Variants in CLIC2 observed in about 807,000 individuals in gnomAD.
The protein encoded by CLIC2 is chloride intracellular channel protein 2.
In CLIC2, 9 loss-of-function variants were observed where a neutral mutation model predicts 14.8. That is an observed-to-expected ratio of 0.61 (90% CI 0.37 to 1.06). The LOEUF is 1.06. Ranked by LOEUF, CLIC2 falls within the 50% of genes least tolerant of loss-of-function variation. CLIC2 has a pLI of 0.01. For synonymous variants in CLIC2, 61 were observed against 66.3 expected (o/e 0.92, Z 0.39); for missense variants, 148 against 181.4 (o/e 0.82, Z 1.06).
At chrX:155,324,727 A>G (rs1397797139) in intron 1 of CLIC2, among the ~76,000 whole-genome samples, 2 of 111,827 alleles carry the variant, frequency 1.8e-5, no homozygotes. Flanking sequence ...GACTAAAACA[A>G]CAAAAGCAAT....
intron 3 of CLIC2, chrX:155,292,518 C>G: frequency 1.8e-6 from 1 of 547,482 alleles, no homozygotes; most frequent in South Asian, 2.5e-5. Flanking sequence ...TGCCTGTAAT[C>G]CCAGCACTTT....
intron 3 of CLIC2, among the ~76,000 whole-genome samples, chrX:155,286,872 T>C (rs782151733): frequency 8.9e-6 from 1 of 112,636 alleles, no homozygotes; most frequent in African/African-American, 3.2e-5. Flanking sequence ...TATTAGACCT[T>C]TGTTAGATGC....
intron 1 of CLIC2, among the ~76,000 whole-genome samples, chrX:155,308,777 G>A (rs2124194705): frequency 8.9e-6 from 1 of 111,790 alleles, no homozygotes; most frequent in African/African-American, 3.2e-5. Flanking sequence ...GGTGTTGAAA[G>A]AAAAACACTT....
intron 3 of CLIC2, chrX:155,290,482 T>C: frequency 5.6e-6 from 3 of 531,296 alleles, no homozygotes; most frequent in Non-Finnish European, 1.0e-5. Context: ...ATCCTCATTG[T>C]CTATCTCAAT....
intron 1 of CLIC2, among the ~76,000 whole-genome samples, chrX:155,306,850 C>A (rs1355376343): frequency 9.0e-6 from 1 of 111,325 alleles, no homozygotes; most frequent in East Asian, 2.8e-4. Context: ...CCCTCATGAT[C>A]CAAACACTTT....
At chrX:155,316,197 G>A (rs2124204319) in intron 1 of CLIC2, among the ~76,000 whole-genome samples, 1 of 111,436 alleles carries the variant, frequency 9.0e-6, no homozygotes, top group Non-Finnish European at 1.9e-5. Context: ...GACAGCACTA[G>A]ACAGGTCATC....
intron 1 of CLIC2, among the ~76,000 whole-genome samples, chrX:155,305,123 G>A (rs1211327454): frequency 1.8e-5 from 2 of 112,139 alleles, no homozygotes; most frequent in African/African-American, 3.2e-5. Context: ...TCGAGCTTCT[G>A]GGCTGCTTTG....
chrX:155,309,740 C>G (rs1473114725), intron 1 of CLIC2: 1 of 115,986 alleles, frequency 8.6e-6, no homozygotes, highest in Non-Finnish European at 1.8e-5. Flanking sequence ...GAAACTGTCC[C>G]CATGATTCAA....
chrX:155,277,638 G>A lies in CLIC2; in HGVS notation c.*265C>T. 1 of 312,778 alleles carries A rather than the reference G, an allele frequency of 3.2e-6. No homozygotes were observed. 25.8% of individuals were successfully genotyped at this position (312,778 alleles called of 1,213,427 possible). A position where few individuals can be genotyped will look rare whatever the true frequency, so the allele number is the denominator to read the frequency against. On this transcript the variant is annotated 3_prime_UTR_variant, in exon 6 of 6. Coordinates refer to ENST00000369449, the MANE Select transcript of CLIC2 (RefSeq NM_001289.6). ...TATGCATTCCAGGAATTCAAGCAAA[G>A]GGCAAAAGATTGTGATGCTTTCCAT...
chrX:155,292,724 C>CA (rs2074977597), intron 3 of CLIC2: 1 of 394,856 alleles, frequency 2.5e-6, no homozygotes, highest in African/African-American at 2.7e-5. Context: ...GAGCCGAGAT[C>CA]GCGCCACTGC....
At chrX:155,324,823 A>C (rs1557322149) in intron 1 of CLIC2, among the ~76,000 whole-genome samples, 1 of 112,090 alleles carries the variant, frequency 8.9e-6, no homozygotes, top group African/African-American at 3.2e-5. Flanking sequence ...CAGAGTGATC[A>C]GGCAACCTAC....
chrX:155,291,467 A>G (rs975242190), intron 3 of CLIC2: 2 of 402,565 alleles, frequency 5.0e-6, no homozygotes, highest in East Asian at 8.5e-5. Context: ...GCAAACAGGG[A>G]TAGTTTGACT....
At chrX:155,323,467 G>A (rs782159704) in intron 1 of CLIC2, among the ~76,000 whole-genome samples, 9 of 111,892 alleles carry the variant, frequency 8.0e-5, no homozygotes, top group South Asian at 3.7e-4. Flanking sequence ...AAAAGCCTTC[G>A]ATAAAATTCA....
intron 3 of CLIC2, chrX:155,293,307 A>G (rs1371603565): frequency 2.8e-5 from 30 of 1,085,513 alleles, no homozygotes; most frequent in African/African-American, 3.7e-5. Flanking sequence ...ACAAGCCCAA[A>G]GTCATTCCAA....
intron 1 of CLIC2, among the ~76,000 whole-genome samples, chrX:155,321,732 G>A (rs1291157013): frequency 9.0e-6 from 1 of 111,172 alleles, no homozygotes; most frequent in Non-Finnish European, 1.9e-5. Flanking sequence ...AATATAAATG[G>A]GCTAAATGTT....
chrX:155,314,314 C>T (rs1047799750), intron 1 of CLIC2, among the ~76,000 whole-genome samples: 1 of 112,360 alleles, frequency 8.9e-6, no homozygotes, highest in Non-Finnish European at 1.9e-5. Flanking sequence ...CAACCAAAGA[C>T]TCTCACAGAA....
At chrX:155,327,813 G>C (rs957418938) in intron 1 of CLIC2, among the ~76,000 whole-genome samples, 1 of 111,426 alleles carries the variant, frequency 9.0e-6, no homozygotes. Flanking sequence ...CATTTATCAT[G>C]ACCAAGTGCA....
chrX:155,303,466 A>T (rs1399249672), intron 1 of CLIC2, among the ~76,000 whole-genome samples: 1 of 96,764 alleles, frequency 1.0e-5, no homozygotes, highest in African/African-American at 3.7e-5. Flanking sequence ...TTTTGAGCCT[A>T]TGTGTGTCTC....
chrX:155,320,125 G>T (rs1170025180), intron 1 of CLIC2, among the ~76,000 whole-genome samples: 3 of 112,421 alleles, frequency 2.7e-5, no homozygotes, highest in African/African-American at 9.7e-5. Context: ...GTGGCTGTGG[G>T]TGCAGCTTCA....
Sources: allele counts gnomAD v4.1 joint callset (sites outside exome capture counted in the v4.1 genomes callset), GRCh38; gene constraint gnomAD v4.1.1; transcripts MANE v1.5; gene names NCBI Gene and HGNC (gene_info 2026-07-23, HGNC 2026-07-21).